Variants in NHS observed in about 807,000 individuals in gnomAD.
NHS encodes actin remodeling regulator NHS.
A neutral mutation model predicts 72.5 loss-of-function variants in NHS; 5 were observed. The ratio of observed to expected loss-of-function variants is 0.07; its 90% CI spans 0.04 to 0.14. The LOEUF (loss-of-function observed/expected upper bound fraction) is 0.14. NHS is among the 10% of genes least tolerant of loss of function. The pLI is 1.00. For missense variants in NHS, 1,072 were observed against 1,355.7 expected (o/e 0.79, Z 3.29); for synonymous variants, 464 against 547.7 (o/e 0.85, Z 2.13).
intron 1 of NHS, among the ~76,000 whole-genome samples, chrX:17,424,334 T>G (rs1025686087): frequency 1.8e-5 from 2 of 112,193 alleles, no homozygotes; most frequent in South Asian, 7.5e-4. Context: ...TCATGTCTTT[T>G]ATGAGGTGAA....
chrX:17,693,318 C>T (rs2066208386), intron 3 of NHS, among the ~76,000 whole-genome samples: 1 of 112,107 alleles, frequency 8.9e-6, no homozygotes, highest in Admixed American at 9.4e-5. Context: ...CACTTTGTGC[C>T]TCTGAGCAGG....
intron 1 of NHS, among the ~76,000 whole-genome samples, chrX:17,471,046 C>G (rs1035399155): frequency 1.8e-5 from 2 of 111,807 alleles, no homozygotes; most frequent in Non-Finnish European, 3.8e-5. Context: ...AGGAGGGTAG[C>G]TGGAACTTAT....
chrX:17,460,178 CTA>C (rs1254464816), intron 1 of NHS, among the ~76,000 whole-genome samples: 1 of 112,281 alleles, frequency 8.9e-6, no homozygotes, highest in Non-Finnish European at 1.9e-5. Flanking sequence ...AAACAATTAC[CTA>C]GTGCCTGTTT....
chrX:17,680,327 G>C (rs2066119533), intron 1 of NHS, among the ~76,000 whole-genome samples: 1 of 112,476 alleles, frequency 8.9e-6, no homozygotes, highest in African/African-American at 3.2e-5. Flanking sequence ...ATTGGCTTTG[G>C]TTTTTGCCTC....
chrX:17,485,663 C>G, intron 1 of NHS, among the ~76,000 whole-genome samples: 1 of 111,690 alleles, frequency 9.0e-6, no homozygotes, highest in East Asian at 2.8e-4. Flanking sequence ...TCCGGATGGA[C>G]TGCTTTTCAA....
At chrX:17,592,473 G>A (rs2065607423) in intron 1 of NHS, among the ~76,000 whole-genome samples, 1 of 111,755 alleles carries the variant, frequency 8.9e-6, no homozygotes, top group South Asian at 3.8e-4. Context: ...GCAAGCCAGC[G>A]ACTTGGTTAT....
At chrX:17,556,924 A>G (rs1463782656) in intron 1 of NHS, among the ~76,000 whole-genome samples, 5 of 109,833 alleles carry the variant, frequency 4.6e-5, no homozygotes, top group African/African-American at 1.7e-4. Context: ...TGTTGTAACT[A>G]AAAAATGGAC....
At chrX:17,498,188 G>A (rs1893894758) in intron 1 of NHS, among the ~76,000 whole-genome samples, 3 of 111,999 alleles carry the variant, frequency 2.7e-5, no homozygotes, top group South Asian at 7.4e-4. Flanking sequence ...CAGCTTTCTC[G>A]ATATTACCAA....
intron 1 of NHS, among the ~76,000 whole-genome samples, chrX:17,453,289 A>C (rs1343764134): frequency 9.0e-6 from 1 of 111,383 alleles, no homozygotes. Flanking sequence ...CCCCCACCCA[A>C]AGGACCTGTG....
At chrX:17,723,681 A>T (rs1601855596) in intron 5 of NHS, among the ~76,000 whole-genome samples, 1 of 110,306 alleles carries the variant, frequency 9.1e-6, no homozygotes, top group Non-Finnish European at 1.9e-5. Flanking sequence ...GTGATGATTT[A>T]AAAAAACAAA....
intron 1 of NHS, among the ~76,000 whole-genome samples, chrX:17,456,599 G>A (rs987443073): frequency 3.6e-5 from 4 of 112,250 alleles, no homozygotes; most frequent in Non-Finnish European, 7.5e-5. Flanking sequence ...AATGAGCGCC[G>A]CGTTAAGACC....
chrX:17,625,761 A>G (rs997598933), intron 1 of NHS, among the ~76,000 whole-genome samples: 4 of 112,172 alleles, frequency 3.6e-5, no homozygotes, highest in African/African-American at 9.7e-5. Flanking sequence ...TTTTCAAAAT[A>G]TTATCATTTT....
chrX:17,632,836 A>G (rs1482907860), intron 1 of NHS, among the ~76,000 whole-genome samples: 2 of 112,022 alleles, frequency 1.8e-5, no homozygotes, highest in Non-Finnish European at 3.8e-5. Context: ...TTGTTATACT[A>G]TTGTACTGTA....
At chrX:17,483,948 C>T (rs1167570907) in intron 1 of NHS, among the ~76,000 whole-genome samples, 1 of 111,769 alleles carries the variant, frequency 8.9e-6, no homozygotes, top group Admixed American at 9.6e-5. Context: ...CAGCTTTTCT[C>T]TTGGATCTCC....
intron 1 of NHS, among the ~76,000 whole-genome samples, chrX:17,581,027 A>G (rs936144856): frequency 3.6e-5 from 4 of 111,350 alleles, no homozygotes; most frequent in Non-Finnish European, 5.7e-5. Flanking sequence ...CATTAGTTTC[A>G]AGGGCATGGG....
At chrX:17,637,390 TGGGCGGGGGTGGTGGTGGTGACA>T (rs1336330125) in intron 1 of NHS, among the ~76,000 whole-genome samples, 3 of 111,299 alleles carry the variant, frequency 2.7e-5, no homozygotes. Context: ...AGGAAGGGAC[TGGGCGGGGGTGGTGGTGGTGACA>T]GGGCTACTTG....
At chrX:17,513,041 G>C (rs1369789875) in intron 1 of NHS, among the ~76,000 whole-genome samples, 2 of 112,066 alleles carry the variant, frequency 1.8e-5, no homozygotes, top group Non-Finnish European at 3.8e-5. Context: ...CTGCAACCCT[G>C]TTTTACAGGT....
chrX:17,701,797 TAG>T lies in NHS; in HGVS notation c.852+9334_852+9335del, dbSNP rs778773448. Among the ~76,000 whole-genome samples the T allele has an allele frequency of 6.3e-5, 7 of 111,284 alleles. No homozygotes were observed. In the South Asian group the frequency reaches 1.5e-3, roughly 24 times the overall value. ...GCTGTGTGCAGTTGCTGTGTTCATC[TAG>T]AGAGTCTCAGGTTATGCTCAAATGT... On this transcript the variant is annotated intron_variant, in intron 3 of 8. Coordinates refer to ENST00000676302, the MANE Select transcript of NHS (RefSeq NM_001291867.2).
chrX:17,401,521 CTACT>C (rs1473269509), intron 1 of NHS, among the ~76,000 whole-genome samples: 1 of 112,286 alleles, frequency 8.9e-6, no homozygotes, highest in Non-Finnish European at 1.9e-5. Context: ...GCTGCTGTGA[CTACT>C]TACCACAAAC....
Sources: allele counts gnomAD v4.1 joint callset (sites outside exome capture counted in the v4.1 genomes callset), GRCh38; gene constraint gnomAD v4.1.1; transcripts MANE v1.5; gene names NCBI Gene and HGNC (gene_info 2026-07-23, HGNC 2026-07-21).